The following SOX5 variants were observed in gnomAD, a reference collection of about 807,000 sequenced individuals.
SOX5 encodes SRY-box transcription factor 5.
In SOX5, 9 loss-of-function variants were observed where a neutral mutation model predicts 92.0. That is an observed-to-expected ratio of 0.10 (90% CI 0.06 to 0.17). The LOEUF (loss-of-function observed/expected upper bound fraction) is 0.17, where lower values mean the gene tolerates loss of function less well. Among genes scored for constraint, SOX5 ranks in the 10% least tolerant of loss-of-function variants. SOX5 has a pLI of 1.00. For synonymous variants in SOX5, 344 were observed against 336.3 expected (o/e 1.02, Z -0.25); for missense variants, 642 against 944.5 (o/e 0.68, Z 4.20).
intron 1 of SOX5, among the ~76,000 whole-genome samples, chr12:24,481,507 C>A (rs958574493): frequency 6.6e-6 from 1 of 152,122 alleles, no homozygotes; most frequent in East Asian, 1.9e-4. Context: ...GCATTGCATG[C>A]TTGTATCGAA....
chr12:24,465,072 T>C (rs1259867483), intron 1 of SOX5, among the ~76,000 whole-genome samples: 2 of 152,202 alleles, frequency 1.3e-5, no homozygotes, highest in East Asian at 3.9e-4. Context: ...GAGTACCATG[T>C]GCCAGTAATT....
At chr12:24,175,495 A>G (rs775779540) in intron 4 of SOX5, among the ~76,000 whole-genome samples, 1 of 152,226 alleles carries the variant, frequency 6.6e-6, no homozygotes, top group Non-Finnish European at 1.5e-5. Flanking sequence ...GGGAGCAAAG[A>G]TCTACAGTCT....
chr12:23,960,183 C>G (rs12581613), intron 4 of SOX5, among the ~76,000 whole-genome samples: 81,285 of 151,782 alleles, frequency 0.54, 22,208 homozygotes, highest in East Asian at 0.78. Context: ...ATCTGACCCA[C>G]AGCCAAACCA....
intron 9 of SOX5, among the ~76,000 whole-genome samples, chr12:23,602,038 T>C (rs924914446): frequency 1.3e-5 from 2 of 152,176 alleles, no homozygotes; most frequent in African/African-American, 2.4e-5. Context: ...CAACACCCAC[T>C]ATAAACCACA....
chr12:23,586,296 GT>G (rs1950735052), intron 9 of SOX5, among the ~76,000 whole-genome samples: 1 of 152,034 alleles, frequency 6.6e-6, no homozygotes, highest in Non-Finnish European at 1.5e-5. Flanking sequence ...CAAGTGGTAG[GT>G]TAATTCTTTA....
At chr12:24,447,354 G>C (rs552192688) in intron 1 of SOX5, among the ~76,000 whole-genome samples, 5 of 152,238 alleles carry the variant, frequency 3.3e-5, no homozygotes, top group African/African-American at 1.2e-4. Flanking sequence ...CATCCATGAG[G>C]AAAACATCAG....
At chr12:23,851,668 C>A (rs1336692668) in intron 2 of SOX5, among the ~76,000 whole-genome samples, 4 of 151,708 alleles carry the variant, frequency 2.6e-5, no homozygotes, top group Admixed American at 2.0e-4. Flanking sequence ...TCCAGTAGTT[C>A]AAAAAATGAA....
At chr12:23,710,746 G>A (rs1043471352) in intron 6 of SOX5, among the ~76,000 whole-genome samples, 11 of 152,144 alleles carry the variant, frequency 7.2e-5, no homozygotes, top group Non-Finnish European at 1.3e-4. Flanking sequence ...AATCGTTTGG[G>A]TATATACCCA....
At chr12:24,553,927 C>T (rs778596699) in intron 1 of SOX5, among the ~76,000 whole-genome samples, 1 of 152,198 alleles carries the variant, frequency 6.6e-6, no homozygotes, top group Non-Finnish European at 1.5e-5. Flanking sequence ...GTGGAAAAGA[C>T]ACTCCTATTC....
intron 1 of SOX5, among the ~76,000 whole-genome samples, chr12:24,445,979 T>A (rs1262756883): frequency 6.6e-6 from 1 of 152,176 alleles, no homozygotes; most frequent in Non-Finnish European, 1.5e-5. Context: ...AACCAAGGTA[T>A]AACGACACAA....
intron 4 of SOX5, among the ~76,000 whole-genome samples, chr12:24,039,558 TTAA>T (rs1956334402): frequency 6.6e-6 from 1 of 152,184 alleles, no homozygotes; most frequent in South Asian, 2.1e-4. Context: ...TGATTCACAT[TTAA>T]TAATAAGAGG....
In SOX5 at chr12:23,548,906, A is replaced by AG. The variant is rs1437865076; in HGVS notation, c.1489-2483dup. Among the ~76,000 whole-genome samples the AG allele has an allele frequency of 2.6e-5, 4 of 152,044 alleles. No homozygotes were observed. The East Asian group carries it at 7.7e-4, about 29-fold the overall frequency. On this transcript the variant is annotated intron_variant, in intron 11 of 14. Transcript: ENST00000451604. ...TAAATTCAATTGAATGGCATATAGGAGGGGAAAGACTCAGCCAAATGTTAT... is the reference window on the plus strand; with the variant it reads ...TAAATTCAATTGAATGGCATATAGGAGGGGGAAAGACTCAGCCAAATGTTAT...
intron 1 of SOX5, among the ~76,000 whole-genome samples, chr12:24,456,043 C>T (rs1474846269): frequency 1.3e-5 from 2 of 152,178 alleles, no homozygotes; most frequent in Non-Finnish European, 2.9e-5. Flanking sequence ...GAAAGTCTTA[C>T]TCCTCACAGG....
intron 6 of SOX5, among the ~76,000 whole-genome samples, chr12:23,689,970 T>C (rs1016864583): frequency 6.6e-6 from 1 of 152,240 alleles, no homozygotes; most frequent in Non-Finnish European, 1.5e-5. Flanking sequence ...TATTTCACAA[T>C]GACTTTACAT....
At chr12:24,389,883 T>G (rs1958814336) in intron 1 of SOX5, among the ~76,000 whole-genome samples, 1 of 152,176 alleles carries the variant, frequency 6.6e-6, no homozygotes, top group Non-Finnish European at 1.5e-5. Context: ...TCACCAAGAC[T>G]TGTTATTTTC....
intron 2 of SOX5, among the ~76,000 whole-genome samples, chr12:23,853,280 T>A (rs2096652821): frequency 1.3e-5 from 2 of 151,464 alleles, no homozygotes; most frequent in Admixed American, 1.3e-4. Context: ...AAAATTGAAT[T>A]GTGAAAATAG....
chr12:23,608,859 A>G (rs1171740177), intron 8 of SOX5, among the ~76,000 whole-genome samples: 2 of 152,194 alleles, frequency 1.3e-5, no homozygotes, highest in Admixed American at 1.3e-4. Flanking sequence ...ACTAGGCAAC[A>G]TATATGTGCT....
chr12:24,225,841 G>C (rs1426751660), intron 3 of SOX5, among the ~76,000 whole-genome samples: 3 of 152,128 alleles, frequency 2.0e-5, no homozygotes, highest in African/African-American at 7.2e-5. Context: ...TGTAAAAGTA[G>C]AAAAAATGAT....
chr12:24,249,194 G>A (rs1314455122), intron 3 of SOX5, among the ~76,000 whole-genome samples: 1 of 152,180 alleles, frequency 6.6e-6, no homozygotes, highest in African/African-American at 2.4e-5. Context: ...GTACTGGGGA[G>A]GGAGAGTAAA....
Sources: allele counts gnomAD v4.1 joint callset (sites outside exome capture counted in the v4.1 genomes callset), GRCh38; gene constraint gnomAD v4.1.1; transcripts MANE v1.5; gene names NCBI Gene and HGNC (gene_info 2026-07-23, HGNC 2026-07-21).